STXBP6: variants seen among roughly 807,000 people sequenced by gnomAD.
STXBP6 encodes syntaxin binding protein 6, also known as syntaxin-binding protein 6.
STXBP6 carries 21 observed loss-of-function variants against 26.9 expected under a neutral mutation model. The ratio of observed to expected loss-of-function variants is 0.78; its 90% CI spans 0.55 to 1.12. STXBP6 has a LOEUF of 1.12. Ranked by LOEUF, STXBP6 falls within the 50% of genes most tolerant of loss-of-function variation. STXBP6 has a pLI of 0.00. For missense variants in STXBP6, 232 were observed against 257.9 expected (o/e 0.90, Z 0.69); for synonymous variants, 97 against 92.6 (o/e 1.05, Z -0.27).
chr14:24,936,422 G>T (rs140096421), intron 2 of STXBP6, among the ~76,000 whole-genome samples: 1 of 152,276 alleles, frequency 6.6e-6, no homozygotes, highest in Non-Finnish European at 1.5e-5. Context: ...GAAAGGAGGA[G>T]AAATGGAAAA....
At chr14:25,023,510 C>T (rs2075295994) in intron 1 of STXBP6, among the ~76,000 whole-genome samples, 1 of 152,110 alleles carries the variant, frequency 6.6e-6, no homozygotes. Context: ...TGTCAAGGGA[C>T]ATCCAAAGGT....
intron 2 of STXBP6, among the ~76,000 whole-genome samples, chr14:24,873,222 T>C (rs2070005482): frequency 6.6e-6 from 1 of 152,140 alleles, no homozygotes; most frequent in South Asian, 2.1e-4. Flanking sequence ...ATCTTGTTTA[T>C]TAGTAGTTTG....
At chr14:25,043,875 G>C (rs140643276) in intron 1 of STXBP6, among the ~76,000 whole-genome samples, 3 of 152,118 alleles carry the variant, frequency 2.0e-5, no homozygotes, top group African/African-American at 7.2e-5. Flanking sequence ...TCCACTTTAG[G>C]GCTATTAAGA....
intron 2 of STXBP6, among the ~76,000 whole-genome samples, chr14:24,866,408 T>C (rs1462566965): frequency 6.6e-6 from 1 of 152,152 alleles, no homozygotes; most frequent in Non-Finnish European, 1.5e-5. Context: ...TGTGTGTATA[T>C]ATATGTGCAT....
chr14:25,041,638 C>T (rs908965693), intron 1 of STXBP6, among the ~76,000 whole-genome samples: 12 of 140,760 alleles, frequency 8.5e-5, no homozygotes, highest in Non-Finnish European at 4.6e-5. Flanking sequence ...GTCACCAGAG[C>T]GGTTATGGAA....
chr14:24,976,884 G>T (rs1287604619), intron 1 of STXBP6, among the ~76,000 whole-genome samples: 3 of 57,186 alleles, frequency 5.2e-5, no homozygotes, highest in African/African-American at 4.5e-4. Flanking sequence ...TTTTTTTGAG[G>T]CAGAGTCTTG....
At chr14:25,015,345 ACTC>A (rs1371251309) in intron 1 of STXBP6, among the ~76,000 whole-genome samples, 1 of 151,900 alleles carries the variant, frequency 6.6e-6, no homozygotes, top group African/African-American at 2.4e-5. Context: ...CCTCTTGTGC[ACTC>A]CTCTATACCC....
chr14:24,928,174 A>C (rs1268231282), intron 2 of STXBP6, among the ~76,000 whole-genome samples: 1 of 152,146 alleles, frequency 6.6e-6, no homozygotes, highest in Admixed American at 6.5e-5. Flanking sequence ...GGCCTAATCT[A>C]TACAAATGCA....
At chr14:24,946,035 C>T (rs2072976777) in intron 2 of STXBP6, among the ~76,000 whole-genome samples, 1 of 152,098 alleles carries the variant, frequency 6.6e-6, no homozygotes, top group Admixed American at 6.5e-5. Flanking sequence ...AAGTATGTGG[C>T]AATTAACACC....
At chr14:24,995,511 C>T (rs974599878) in intron 1 of STXBP6, among the ~76,000 whole-genome samples, 2 of 151,952 alleles carry the variant, frequency 1.3e-5, no homozygotes, top group African/African-American at 4.8e-5. Context: ...GGAAATACTT[C>T]TTAAAGAAGG....
At chr14:24,901,455 T>C (rs1209319954) in intron 2 of STXBP6, among the ~76,000 whole-genome samples, 1 of 152,182 alleles carries the variant, frequency 6.6e-6, no homozygotes, top group Non-Finnish European at 1.5e-5. Flanking sequence ...CTGGGAAAAC[T>C]GTTGGCAGTT....
chr14:24,893,475 C>T (rs2070865602), intron 2 of STXBP6, among the ~76,000 whole-genome samples: 1 of 152,118 alleles, frequency 6.6e-6, no homozygotes, highest in South Asian at 2.1e-4. Flanking sequence ...TTCTTATTCG[C>T]CAAGCAGTGC....
intron 1 of STXBP6, among the ~76,000 whole-genome samples, chr14:25,044,261 T>C (rs942533091): frequency 2.6e-5 from 4 of 152,052 alleles, no homozygotes; most frequent in Non-Finnish European, 5.9e-5. Flanking sequence ...TGTATCTATC[T>C]TGGAGGGGAA....
chr14:25,008,483 C>A (rs1171367279), intron 1 of STXBP6, among the ~76,000 whole-genome samples: 4 of 152,134 alleles, frequency 2.6e-5, no homozygotes, highest in Non-Finnish European at 5.9e-5. Context: ...GACCTTGTCT[C>A]AAACAAAAAG....
chr14:24,948,384 C>T (rs2073060620), intron 2 of STXBP6, among the ~76,000 whole-genome samples: 1 of 152,034 alleles, frequency 6.6e-6, no homozygotes, highest in Non-Finnish European at 1.5e-5. Flanking sequence ...ATGTTTTGCA[C>T]AGAGAATCTA....
At chr14:24,871,116 T>C (rs1278089663) in intron 2 of STXBP6, among the ~76,000 whole-genome samples, 1 of 152,198 alleles carries the variant, frequency 6.6e-6, no homozygotes, top group Non-Finnish European at 1.5e-5. Flanking sequence ...ATTATGTTCT[T>C]TTTTCACTAC....
At chr14:24,835,332 G>T (rs1172931719) in intron 4 of STXBP6, among the ~76,000 whole-genome samples, 1 of 125,014 alleles carries the variant, frequency 8.0e-6, no homozygotes, top group African/African-American at 3.5e-5. Context: ...GTTTGTTATT[G>T]CACCATAATT....
At chr14:24,945,139 ATTTTTTTTTTTTTTT>A (rs552562019) in intron 2 of STXBP6, among the ~76,000 whole-genome samples, 3,237 of 100,832 alleles carry the variant, frequency 0.032, 189 homozygotes, top group African/African-American at 0.11. Flanking sequence ...CCAATTAGGA[ATTTTTTTTTTTTTTT>A]TTTTTTTTTT....
At chr14:24,953,749 T>G (rs1471578838) in intron 2 of STXBP6, among the ~76,000 whole-genome samples, 4 of 152,166 alleles carry the variant, frequency 2.6e-5, no homozygotes, top group Non-Finnish European at 5.9e-5. Flanking sequence ...TTTTTATAAA[T>G]AAACAAAAAA....
Sources: gnomAD v4.1 joint callset for allele counts (sites outside exome capture counted in the v4.1 genomes callset) on GRCh38, gnomAD v4.1.1 for gene constraint, MANE v1.5 for transcripts, NCBI Gene and HGNC (gene_info 2026-07-23, HGNC 2026-07-21) for gene names.